Variants in GRIP1 observed in about 807,000 individuals in gnomAD.
The protein encoded by GRIP1 is glutamate receptor-interacting protein 1.
A neutral mutation model predicts 129.9 loss-of-function variants in GRIP1; 45 were observed. The observed-to-expected ratio is 0.35, with a 90% confidence interval of 0.27 to 0.44. The LOEUF (loss-of-function observed/expected upper bound fraction) is 0.44, where lower values mean the gene tolerates loss of function less well. Ranked by LOEUF, GRIP1 falls within the 20% of genes least tolerant of loss-of-function variation. The pLI is 1.00. For synonymous variants in GRIP1, 530 were observed against 520.8 expected (o/e 1.02, Z -0.24); for missense variants, 1,196 against 1,396.8 (o/e 0.86, Z 2.29).
chr12:66,360,528 A>C (rs2054707108), intron 23 of GRIP1, among the ~76,000 whole-genome samples: 2 of 152,292 alleles, frequency 1.3e-5, no homozygotes, highest in South Asian at 4.1e-4. Context: ...TCGGAACATA[A>C]CACTCAGGGC....
intron 7 of GRIP1, among the ~76,000 whole-genome samples, chr12:66,505,262 C>T (rs923165031): frequency 1.3e-5 from 2 of 151,666 alleles, no homozygotes; most frequent in Non-Finnish European, 2.9e-5. Context: ...CTCAATGAAC[C>T]GTTGCTGTCT....
intron 1 of GRIP1, among the ~76,000 whole-genome samples, chr12:66,974,635 C>T (rs1255144795): frequency 6.6e-6 from 1 of 152,098 alleles, no homozygotes; most frequent in African/African-American, 2.4e-5. Flanking sequence ...AAATAAAACG[C>T]TCATTATAAA....
intron 1 of GRIP1, among the ~76,000 whole-genome samples, chr12:66,760,349 G>T (rs1029250584): frequency 1.3e-5 from 2 of 151,976 alleles, no homozygotes; most frequent in Non-Finnish European, 2.9e-5. Flanking sequence ...GTATTAGTTC[G>T]TTTTCATGCT....
chr12:66,600,845 G>C (rs745820118), intron 1 of GRIP1, among the ~76,000 whole-genome samples: 4 of 152,228 alleles, frequency 2.6e-5, no homozygotes, highest in Non-Finnish European at 4.4e-5. Context: ...CATTCAGCTA[G>C]TGAGCTACTG....
At chr12:67,053,419 G>T (rs2043379756) in intron 1 of GRIP1, among the ~76,000 whole-genome samples, 2 of 152,142 alleles carry the variant, frequency 1.3e-5, no homozygotes, top group African/African-American at 4.8e-5. Context: ...ACCCATGGCA[G>T]GCAATGTGGA....
rs563894690 is a variant in GRIP1, at chr12:66,772,399, CA to C, written c.-420+31653del. Reference sequence around the variant, plus strand: ...ATGACAGTGCAGGGAGCTAAAACCCCAAATAAACCATATCCTTCAGAAAATT... The same window carrying C: ...ATGACAGTGCAGGGAGCTAAAACCCCAATAAACCATATCCTTCAGAAAATT... On this transcript the variant is annotated intron_variant, in intron 1 of 4. Coordinates refer to the GRIP1 transcript ENST00000538373. Among the ~76,000 whole-genome samples, 310 of 152,312 alleles carry C rather than the reference CA, an allele frequency of 2.0e-3. 2 individuals are homozygous for C. The highest frequency in any genetic ancestry group is 6.8e-3 in the Middle Eastern group (2 of 294).
chr12:66,768,250 A>T (rs1404985822), intron 1 of GRIP1, among the ~76,000 whole-genome samples: 1 of 152,234 alleles, frequency 6.6e-6, no homozygotes, highest in Non-Finnish European at 1.5e-5. Context: ...AATTACTGGT[A>T]CTTTCTGATG....
intron 1 of GRIP1, among the ~76,000 whole-genome samples, chr12:66,878,410 A>G (rs1422055844): frequency 1.3e-5 from 2 of 152,074 alleles, no homozygotes; most frequent in Non-Finnish European, 2.9e-5. Context: ...AGCAGAAATG[A>G]GTGTGAGAGG....
intron 2 of GRIP1, among the ~76,000 whole-genome samples, chr12:66,569,426 A>G (rs1045123999): frequency 2.6e-5 from 4 of 152,182 alleles, no homozygotes; most frequent in East Asian, 3.9e-4. Flanking sequence ...GCCGTGAGCC[A>G]AGATTGCCCC....
At chr12:66,858,918 T>G (rs745981406) in intron 1 of GRIP1, among the ~76,000 whole-genome samples, 1 of 151,830 alleles carries the variant, frequency 6.6e-6, no homozygotes, top group African/African-American at 2.4e-5. Flanking sequence ...TATGGGAAAA[T>G]TTTGATGTAT....
chr12:66,506,760 G>A (rs897372055), intron 7 of GRIP1, among the ~76,000 whole-genome samples: 4 of 152,030 alleles, frequency 2.6e-5, no homozygotes, highest in Non-Finnish European at 5.9e-5. Context: ...CCTAAACTAG[G>A]GTAACTCTTT....
intron 1 of GRIP1, among the ~76,000 whole-genome samples, chr12:66,739,682 G>A (rs2036724851): frequency 1.3e-5 from 2 of 151,202 alleles, no homozygotes; most frequent in Admixed American, 6.6e-5. Flanking sequence ...AAACCACCAT[G>A]GCACACATTT....
Position 66,479,572 on chromosome 12 carries a change from A to C in GRIP1, c.725-14150T>G, listed in dbSNP as rs1275815015. Among the ~76,000 whole-genome samples, 4 of 152,342 alleles carry C rather than the reference A, an allele frequency of 2.6e-5. No individual in the cohort carries two copies. In the East Asian group the frequency reaches 7.7e-4, roughly 29 times the overall value. On this transcript the variant is annotated intron_variant, in intron 7 of 24. Transcript: ENST00000359742. ...GGACTCCTCCCTAACTCATTTTATG[A>C]GGCCAGCATCATCCTGATACCAAAG...
intron 2 of GRIP1, among the ~76,000 whole-genome samples, chr12:66,562,814 G>C (rs1248123229): frequency 1.3e-5 from 2 of 152,050 alleles, no homozygotes; most frequent in East Asian, 1.9e-4. Flanking sequence ...ATAGCCTACT[G>C]TTGACTGGAA....
rs115552603 is a variant in GRIP1, at chr12:66,918,287, C to G, written c.58+150763G>C. On this transcript the variant is annotated intron_variant, in intron 1 of 1. Transcript: ENST00000643019. ...ATGTTCTAGTTTGAAGGCAGTTAGGCAAGAGGTATTCTTTTATTTCAGAAG... is the reference window on the plus strand; with the variant it reads ...ATGTTCTAGTTTGAAGGCAGTTAGGGAAGAGGTATTCTTTTATTTCAGAAG... Among the ~76,000 whole-genome samples the G allele has an allele frequency of 2.5e-3, 376 of 151,942 alleles. 1 individual carries two copies. Among genetic ancestry groups the G allele is most frequent in the African/African-American group, 8.8e-3 (366 of 41,432 alleles).
intron 2 of GRIP1, among the ~76,000 whole-genome samples, chr12:66,590,532 A>C (rs545734631): frequency 6.6e-6 from 1 of 152,266 alleles, no homozygotes; most frequent in South Asian, 2.1e-4. Context: ...AATAAGTAAT[A>C]TGTTCGGCTC....
intron 1 of GRIP1, among the ~76,000 whole-genome samples, chr12:66,722,529 T>C (rs891311699): frequency 2.0e-5 from 3 of 152,114 alleles, no homozygotes; most frequent in African/African-American, 7.2e-5. Context: ...TAATAAAGTG[T>C]AAAATATTGT....
chr12:66,883,630 T>C (rs939217067), intron 1 of GRIP1, among the ~76,000 whole-genome samples: 1 of 152,172 alleles, frequency 6.6e-6, no homozygotes, highest in African/African-American at 2.4e-5. Flanking sequence ...TCAAAAGCTC[T>C]CCCTTGAGAG....
At chr12:66,763,106 TA>T (rs1190172909) in intron 1 of GRIP1, among the ~76,000 whole-genome samples, 2 of 152,146 alleles carry the variant, frequency 1.3e-5, no homozygotes, top group Non-Finnish European at 2.9e-5. Flanking sequence ...ATAATTTTTA[TA>T]AAAAATTTAT....
Sources: gnomAD v4.1 joint callset for allele counts (sites outside exome capture counted in the v4.1 genomes callset) on GRCh38, gnomAD v4.1.1 for gene constraint, MANE v1.5 for transcripts, NCBI Gene and HGNC (gene_info 2026-07-23, HGNC 2026-07-21) for gene names.